Variants in PLXNA4 observed in about 807,000 individuals in gnomAD.
The protein encoded by PLXNA4 is plexin A4, also known as plexin-A4.
PLXNA4 carries 44 observed loss-of-function variants against 191.8 expected under a neutral mutation model. The observed-to-expected ratio is 0.23, with a 90% CI of 0.18 to 0.29. PLXNA4 has a LOEUF of 0.29. PLXNA4 is among the 10% of genes least tolerant of loss of function. The pLI is 1.00. For synonymous variants in PLXNA4, 1,082 were observed against 1,009.5 expected, an observed-to-expected ratio of 1.07 and a Z score of -1.36; for missense variants, 1,800 against 2,488.8, an observed-to-expected ratio of 0.72 and a Z score of 5.89.
At chr7:132,274,433 C>T (rs985193889) in intron 4 of PLXNA4, among the ~76,000 whole-genome samples, 1 of 152,142 alleles carries the variant, frequency 6.6e-6, no homozygotes, top group Non-Finnish European at 1.5e-5. Flanking sequence ...ATGCTCAAAA[C>T]CAGGACATTA....
chr7:132,277,806 T>A (rs529320777), intron 4 of PLXNA4, among the ~76,000 whole-genome samples: 1 of 152,330 alleles, frequency 6.6e-6, no homozygotes, highest in Non-Finnish European at 1.5e-5. Context: ...ATAGCATATA[T>A]ATTTTAGACT....
At chr7:132,375,028 C>T (rs950532509) in intron 3 of PLXNA4, among the ~76,000 whole-genome samples, 2 of 152,240 alleles carry the variant, frequency 1.3e-5, no homozygotes, top group Non-Finnish European at 2.9e-5. Context: ...TCCCCGCCCT[C>T]TGCATTCTCA....
intron 5 of PLXNA4, among the ~76,000 whole-genome samples, chr7:132,233,804 G>C (rs1562982645): frequency 2.0e-5 from 3 of 152,212 alleles, no homozygotes. Context: ...TCTGCCCTGG[G>C]TCCCTGACTG....
chr7:132,273,869 T>C (rs1049595099), intron 4 of PLXNA4, among the ~76,000 whole-genome samples: 3 of 152,212 alleles, frequency 2.0e-5, no homozygotes, highest in Non-Finnish European at 2.9e-5. Context: ...TGAGAACTTA[T>C]GCTCATGTAA....
At chr7:132,560,343 T>C (rs968741616) in intron 1 of PLXNA4, among the ~76,000 whole-genome samples, 3 of 152,210 alleles carry the variant, frequency 2.0e-5, no homozygotes, top group Non-Finnish European at 4.4e-5. Context: ...CACTGGAAAG[T>C]AGTGGGACTC....
In PLXNA4 at chr7:132,281,117, G is replaced by T. The variant is rs965695716; in HGVS notation, c.1503+16974C>A. ...ATTATTATAATGGTAAGAGTGATGT[G>T]CTAGAATTGGTTTTATTATTGTTTA... is the stretch of plus-strand genomic sequence containing the variant. On this transcript the variant is annotated intron_variant, in intron 4 of 31. Transcript: ENST00000321063. Among the ~76,000 whole-genome samples, 6 of 152,220 alleles carry T rather than the reference G, an allele frequency of 3.9e-5. No homozygotes were observed. The East Asian group carries it at 5.8e-4, about 15-fold the overall frequency.
At chr7:132,331,393 G>A (rs529065098) in intron 3 of PLXNA4, among the ~76,000 whole-genome samples, 1 of 152,332 alleles carries the variant, frequency 6.6e-6, no homozygotes, top group South Asian at 2.1e-4. Context: ...AGCCTGTGCT[G>A]CAACCTCCAC....
intron 3 of PLXNA4, among the ~76,000 whole-genome samples, chr7:132,309,966 G>A (rs527727803): frequency 6.6e-6 from 1 of 152,290 alleles, no homozygotes; most frequent in South Asian, 2.1e-4. Flanking sequence ...AGATTTACCA[G>A]TAGGCACCGC....
At chr7:132,277,874 C>T (rs1413716716) in intron 4 of PLXNA4, among the ~76,000 whole-genome samples, 7 of 152,198 alleles carry the variant, frequency 4.6e-5, no homozygotes, top group Admixed American at 2.6e-4. Context: ...GTGGCCAAAG[C>T]AACCGTAGAC....
intron 2 of PLXNA4, among the ~76,000 whole-genome samples, chr7:132,605,562 T>G (rs906988422): frequency 1.1e-4 from 16 of 152,106 alleles, no homozygotes; most frequent in African/African-American, 3.6e-4. Flanking sequence ...GGGCCAATTC[T>G]GGGGACACAG....
Position 132,198,525 on chromosome 7 carries a change from C to G in PLXNA4, c.2698G>C (p.Glu900Gln). Residue 900 changes from glutamate to glutamine, a missense_variant, in exon 13 of 32, where the codon GAG (glutamate) becomes CAG (glutamine). By Grantham distance (29) the Glu-to-Gln change is conservative. Coordinates refer to ENST00000321063, the MANE Select transcript of PLXNA4 (RefSeq NM_020911.2). Reference protein sequence around the residue: ...IASHVKVAGVECSPLVDGYIP... With the variant: ...IASHVKVAGVQCSPLVDGYIP... The stretch of plus-strand genomic sequence containing the variant: ...TAACCATCCACTAAAGGGCTGCACT[C>G]CACGCCAGCAACCTTGACATGGGAG... 6.2e-7 allele frequency: 1 copy of G among 1,614,254 alleles called. No homozygotes were observed. The highest frequency in any genetic ancestry group is 2.2e-5 in the East Asian group (1 of 44,886).
chr7:132,490,204 C>G (rs969725314), intron 2 of PLXNA4, among the ~76,000 whole-genome samples: 11 of 152,158 alleles, frequency 7.2e-5, no homozygotes, highest in Admixed American at 5.9e-4. Context: ...CATGCCTACA[C>G]CAGCACTTCC....
At chr7:132,179,180 T>C (rs112022635) in intron 20 of PLXNA4, among the ~76,000 whole-genome samples, 201 of 110,578 alleles carry the variant, frequency 1.8e-3, no homozygotes, top group East Asian at 5.3e-3. Context: ...CCAGCACTGC[T>C]CACAGCTGCC....
At chr7:132,260,499 C>A (rs1048995936) in intron 4 of PLXNA4, among the ~76,000 whole-genome samples, 1 of 151,898 alleles carries the variant, frequency 6.6e-6, no homozygotes, top group Non-Finnish European at 1.5e-5. Flanking sequence ...GAACAACAGA[C>A]GCCAGGGAGT....
At chr7:132,393,445 C>T (rs1793604977) in intron 3 of PLXNA4, among the ~76,000 whole-genome samples, 1 of 152,070 alleles carries the variant, frequency 6.6e-6, no homozygotes, top group African/African-American at 2.4e-5. Flanking sequence ...AGCAAACAGC[C>T]CCACATATGA....
At chr7:132,474,348 G>A (rs1797045861) in intron 3 of PLXNA4, among the ~76,000 whole-genome samples, 1 of 151,928 alleles carries the variant, frequency 6.6e-6, no homozygotes, top group Admixed American at 6.6e-5. Flanking sequence ...GGCAACGTGA[G>A]ATTTTTTTCT....
chr7:132,638,292 A>C (rs1439584184), intron 2 of PLXNA4, among the ~76,000 whole-genome samples: 1 of 152,228 alleles, frequency 6.6e-6, no homozygotes, highest in Non-Finnish European at 1.5e-5. Flanking sequence ...AACACACATC[A>C]TAGCGGGTTT....
intron 1 of PLXNA4, among the ~76,000 whole-genome samples, chr7:132,557,121 C>A (rs36047882): frequency 6.6e-6 from 1 of 152,166 alleles, no homozygotes; most frequent in Non-Finnish European, 1.5e-5. Context: ...GCCCAGAAAC[C>A]CTGCCACATG....
intron 25 of PLXNA4, among the ~76,000 whole-genome samples, chr7:132,153,612 C>CTG (rs1795707835): frequency 6.6e-6 from 1 of 152,126 alleles, no homozygotes; most frequent in East Asian, 1.9e-4. Context: ...ATGTAATTGG[C>CTG]AGTGGGAAGC....
Sources: gnomAD v4.1 joint callset for allele counts (sites outside exome capture counted in the v4.1 genomes callset) on GRCh38, gnomAD v4.1.1 for gene constraint, MANE v1.5 for transcripts, NCBI Gene and HGNC (gene_info 2026-07-23, HGNC 2026-07-21) for gene names.